SLK: variants seen among roughly 807,000 people sequenced by gnomAD.
SLK encodes the protein STE20-like serine/threonine-protein kinase.
In SLK, 67 loss-of-function variants were observed where a neutral mutation model predicts 147.7. The ratio of observed to expected loss-of-function variants is 0.45; its 90% CI spans 0.37 to 0.56. The LOEUF is 0.56. SLK is among the 20% of genes least tolerant of loss of function. The pLI is 0.00. For synonymous variants in SLK, 441 were observed against 475.0 expected (o/e 0.93, Z 0.93); for missense variants, 1,136 against 1,438.8 (o/e 0.79, Z 3.41).
chr10:103,980,680 C>T (rs961382282), intron 1 of SLK, among the ~76,000 whole-genome samples: 1 of 152,162 alleles, frequency 6.6e-6, no homozygotes, highest in Non-Finnish European at 1.5e-5. Context: ...CTTTTTAAGG[C>T]TGAATAATAT....
chr10:104,008,065 A>T, intron 11 of SLK, 112 bp from the exon 12 acceptor site: 1 of 760,310 alleles, frequency 1.3e-6, no homozygotes, highest in Non-Finnish European at 2.1e-6. Context: ...TGAAGGTTAT[A>T]GTACATTACT....
intron 7 of SLK, among the ~76,000 whole-genome samples, chr10:104,000,948 A>G (rs1408413570): frequency 6.6e-6 from 1 of 150,908 alleles, no homozygotes; most frequent in Non-Finnish European, 1.5e-5. Flanking sequence ...AATCTTAGCT[A>G]CTCGGGAGGC....
At position 103,967,808 on chromosome 10, in the gene SLK, C is replaced by T. The variant is rs918949917; in HGVS notation, c.63C>T (p.Tyr21=). Residue 21 remains tyrosine (Y), a synonymous_variant, in exon 1 of 19, where the codon TAC becomes TAT. Transcript: ENST00000369755. ...GGAGCGAGAAGAAGAAGAAGCAGTA[C>T]GAACACGTGAAGAGGGACCTGAACC... ...KLGSEKKKKQ[Y]EHVKRDLNPE... is the part of the protein sequence containing the mutation. 1.2e-6 allele frequency: 2 copies of T among 1,613,906 alleles called. No homozygotes were observed. The highest frequency in any genetic ancestry group is 1.3e-5 in the African/African-American group (1 of 74,900).
In SLK at chr10:104,002,929, T is replaced by A; in HGVS notation, c.1751T>A (p.Leu584Ter). 6.2e-7 allele frequency: 1 copy of A among 1,614,082 alleles called. No homozygotes were observed. Among genetic ancestry groups the A allele is most frequent in the Non-Finnish European group, 8.5e-7 (1 of 1,179,998 alleles). Residue 584 changes from leucine (L) to a stop codon, truncating the protein, a stop_gained, in exon 9 of 19, where the codon TTA (leucine) becomes TAA (stop). Transcript: ENST00000369755. LOFTEE classifies it high-confidence loss of function. ...GKEVVEVGQK[L>*]INKPMVGPEA... ...GAAGTGGTCGAAGTAGGCCAGAAATTAATTAATAAGCCCATGGTGGGTCCT... is the reference window on the plus strand; with the variant it reads ...GAAGTGGTCGAAGTAGGCCAGAAATAAATTAATAAGCCCATGGTGGGTCCT...
At chr10:103,995,056 GATA>G (rs1564655670) in intron 4 of SLK, among the ~76,000 whole-genome samples, 1 of 151,970 alleles carries the variant, frequency 6.6e-6, no homozygotes, top group East Asian at 1.9e-4. Flanking sequence ...CATTATTTTC[GATA>G]ATGATTTTGA....
At chr10:104,000,140 C>T (rs1025729848) in intron 7 of SLK, among the ~76,000 whole-genome samples, 192 bp downstream of exon 7, 1 of 152,102 alleles carries the variant, frequency 6.6e-6, no homozygotes, top group African/African-American at 2.4e-5. Flanking sequence ...TCCTCCTGTG[C>T]TTTTTTGATT....
intron 1 of SLK, among the ~76,000 whole-genome samples, chr10:103,977,792 A>G (rs965080639): frequency 6.6e-6 from 1 of 152,190 alleles, no homozygotes; most frequent in African/African-American, 2.4e-5. Context: ...ATTAATTACT[A>G]TTCTATAATA....
At chr10:103,999,479 T>TAA (rs1351897013) in intron 6 of SLK, among the ~76,000 whole-genome samples, 166 bp downstream of exon 6, 4 of 152,332 alleles carry the variant, frequency 2.6e-5, no homozygotes, top group African/African-American at 7.2e-5. Flanking sequence ...TAAAGACCAT[T>TAA]AAAACTCTTC....
At chr10:103,998,666 A>G (rs1028536672) in intron 4 of SLK, among the ~76,000 whole-genome samples, 3 of 152,152 alleles carry the variant, frequency 2.0e-5, no homozygotes, top group African/African-American at 7.2e-5. Context: ...TGTCATCTGA[A>G]GATAAGGTGG....
chr10:103,993,126 C>T lies in SLK; in HGVS notation c.507C>T (p.Ile169=), dbSNP rs1358175237. The T allele has an allele frequency of 6.3e-7, 1 of 1,598,840 alleles. No individual in the cohort carries two copies. The highest frequency in any genetic ancestry group is 1.3e-5 in the African/African-American group (1 of 74,396). ...TTCTCTTTACCTTAGATGGAGATAT[C>T]AAATTGGGTAAGTTATTCACTTAAA... ...GNILFTLDGD[I]KLADFGVSAK... Residue 169 remains isoleucine, a synonymous_variant, in exon 4 of 19, where the codon ATC becomes ATT. Coordinates refer to ENST00000369755, the MANE Select transcript of SLK (RefSeq NM_014720.4).
At position 104,003,888 on chromosome 10, in the gene SLK, T is replaced by C. The variant is rs533127455; in HGVS notation, c.2349+361T>C. Among the ~76,000 whole-genome samples, 8 of 152,324 alleles carry C rather than the reference T, an allele frequency of 5.3e-5. No individual in the cohort carries two copies. In the South Asian group the frequency reaches 1.7e-3, roughly 32 times the overall value. On this transcript the variant is annotated intron_variant, in intron 9 of 18. Coordinates refer to ENST00000369755, the MANE Select transcript of SLK (RefSeq NM_014720.4). ...GATGTCTTTTTAAGCACATTTAGGGTGTAAACAATCCTTGATTTACCATTG... is the reference window on the plus strand; with the variant it reads ...GATGTCTTTTTAAGCACATTTAGGGCGTAAACAATCCTTGATTTACCATTG...
chr10:103,995,732 G>A (rs1343211413), intron 4 of SLK, among the ~76,000 whole-genome samples: 2 of 152,036 alleles, frequency 1.3e-5, no homozygotes, highest in East Asian at 3.9e-4. Flanking sequence ...AGTGTAATTA[G>A]CCATTTCTTT....
Position 104,008,041 on chromosome 10 carries a change from C to T in SLK, c.2605-136C>T, listed in dbSNP as rs181833719. On this transcript the variant is annotated intron_variant, in intron 11 of 18. Coordinates refer to ENST00000369755, the MANE Select transcript of SLK (RefSeq NM_014720.4). ...TCATAACATATTTTAGTGCATTTGA[C>T]TTTTTCAGTATTGTGAAGGTTATAG... The T allele has an allele frequency of 4.0e-3, 2,383 of 591,218 alleles. 9 individuals carry two copies. Among genetic ancestry groups the T allele is most frequent in the Non-Finnish European group, 5.8e-3 (2,050 of 352,850 alleles). The allele number at this position is 591,218 out of a possible 1,614,324, so 36.6% of individuals were successfully genotyped here.
At chr10:103,976,319 T>C (rs1018268677) in intron 1 of SLK, among the ~76,000 whole-genome samples, 1 of 152,224 alleles carries the variant, frequency 6.6e-6, no homozygotes, top group Admixed American at 6.5e-5. Context: ...TTCTAGGTCA[T>C]AGGTTATACA....
At chr10:104,011,260 G>T (rs548472076) in intron 13 of SLK, among the ~76,000 whole-genome samples, 25 of 152,254 alleles carry the variant, frequency 1.6e-4, no homozygotes, top group African/African-American at 5.8e-4. Flanking sequence ...AAAAATAGAG[G>T]ATGGTATATA....
rs565598515 is a variant in SLK, at chr10:104,001,013, C to T, written c.865-431C>T. On this transcript the variant is annotated intron_variant, in intron 7 of 18. Coordinates refer to ENST00000369755, the MANE Select transcript of SLK (RefSeq NM_014720.4). ...GATGGAGATTGCAGTAAGTTGAAAT[C>T]GTGCCACTGCCTTCTAGCCTGAGTG... 1.2e-4 allele frequency among the ~76,000 whole-genome samples: 14 copies of T among 120,130 alleles called. No individual in the cohort carries two copies. The East Asian group carries it at 2.2e-3, about 19-fold the overall frequency. 78.8% of individuals were successfully genotyped at this position (120,130 alleles called of 152,430 possible). A position where few individuals can be genotyped will look rare whatever the true frequency, so the allele number is the denominator to read the frequency against.
chr10:104,005,476 G>C, intron 9 of SLK, 85 bp from the exon 10 acceptor site: 1 of 1,271,040 alleles, frequency 7.9e-7, no homozygotes. Flanking sequence ...TTTTAAAAAA[G>C]AAAGAAATGT....
chr10:103,971,466 G>A (rs1013212461), intron 1 of SLK, among the ~76,000 whole-genome samples: 2 of 152,162 alleles, frequency 1.3e-5, no homozygotes, highest in African/African-American at 2.4e-5. Flanking sequence ...AGTAGAGACG[G>A]GGTTTCACCA....
Position 104,002,656 on chromosome 10 carries a change from A to G in SLK, c.1478A>G (p.Asp493Gly), listed in dbSNP as rs374158573. Residue 493 changes from aspartate to glycine, a missense_variant, in exon 9 of 19, where the codon GAT becomes GGT. Physicochemically the swap from Asp to Gly is moderately conservative, Grantham distance 94. This residue lies in a region of SLK where 516 missense variants were observed against 531.3 expected (regional missense o/e 0.97). Transcript: ENST00000369755. ...CTTATAAAATCTGAAGAAATTAAAG[A>G]TACTATTTTGCAAACAGTAGATTTA... The part of the protein sequence containing the change: ...NKLIKSEEIK[D>G]TILQTVDLVS... 6.2e-7 allele frequency: 1 copy of G among 1,609,396 alleles called. No homozygotes were observed. Among genetic ancestry groups the G allele is most frequent in the East Asian group, 2.2e-5 (1 of 44,870 alleles).
Sources: allele counts gnomAD v4.1 joint callset (sites outside exome capture counted in the v4.1 genomes callset), GRCh38; gene constraint gnomAD v4.1.1; regional missense constraint gnomAD v4.1.1; transcripts MANE v1.5; gene names NCBI Gene and HGNC (gene_info 2026-07-23, HGNC 2026-07-21).